The following HLCS variants were observed in gnomAD, a reference collection of about 807,000 sequenced individuals.
HLCS encodes holocarboxylase synthetase.
A neutral mutation model predicts 75.0 loss-of-function variants in HLCS; 53 were observed. That is an observed-to-expected ratio of 0.71 (90% CI 0.57 to 0.89). The LOEUF (loss-of-function observed/expected upper bound fraction) is 0.89, where lower values mean the gene tolerates loss of function less well. HLCS is among the 40% of genes least tolerant of loss of function. The pLI, the probability that HLCS is intolerant of heterozygous loss-of-function variation, is 0.00. For missense variants in HLCS, 966 were observed against 1,074.0 expected, an observed-to-expected ratio of 0.90 and a Z score of 1.41; for synonymous variants, 431 against 428.6, an observed-to-expected ratio of 1.01 and a Z score of -0.07.
chr21:36,751,318 A>C lies in HLCS; in HGVS notation c.*2928T>G, dbSNP rs1017842739. 1 of 152,680 alleles carries C rather than the reference A, an allele frequency of 6.5e-6. No homozygotes were observed. The highest frequency in any genetic ancestry group is 1.5e-5 in the Non-Finnish European group (1 of 68,052). 9.5% of individuals were successfully genotyped at this position (152,680 alleles called of 1,614,324 possible). ...AGGCTTACGCTTTCTTTTATTTCAA[A>C]TATGCATAGTGATTAACCAGGAATA... On this transcript the variant is annotated 3_prime_UTR_variant, in exon 11 of 11. Coordinates refer to ENST00000674895, the MANE Select transcript of HLCS (RefSeq NM_001352514.2).
At chr21:36,772,555 CTTGAGGCAGGGAG>C (rs1178475826) in intron 6 of HLCS, among the ~76,000 whole-genome samples, 1 of 147,934 alleles carries the variant, frequency 6.8e-6, no homozygotes, top group Admixed American at 6.9e-5. Flanking sequence ...GGGAGGATCA[CTTGAGGCAGGGAG>C]TTCAAGGCTG....
chr21:36,854,196 A>G (rs1257582115), intron 6 of HLCS, among the ~76,000 whole-genome samples: 1 of 152,228 alleles, frequency 6.6e-6, no homozygotes, highest in Non-Finnish European at 1.5e-5. Flanking sequence ...CCTACAATTA[A>G]GCTTTTGATG....
chr21:36,961,893 C>T, intron 2 of HLCS, 143 bp downstream of exon 2: 1 of 388,454 alleles, frequency 2.6e-6, no homozygotes, highest in Middle Eastern at 6.3e-4. Flanking sequence ...GGCGGAGGTC[C>T]CAGTGAGCCG....
At chr21:36,983,849 A>T (rs1056250503) in intron 1 of HLCS, among the ~76,000 whole-genome samples, 9 of 148,430 alleles carry the variant, frequency 6.1e-5, no homozygotes, top group African/African-American at 2.2e-4. Flanking sequence ...AAAAAAAAAA[A>T]TTTTTTTTTT....
chr21:36,770,221 A>G (rs2145789737), intron 6 of HLCS, among the ~76,000 whole-genome samples: 1 of 143,740 alleles, frequency 7.0e-6, no homozygotes, highest in Non-Finnish European at 1.5e-5. Flanking sequence ...ATCTCGGGTC[A>G]CTGCAACCTC....
At chr21:36,919,802 G>A (rs1601742492) in intron 5 of HLCS, among the ~76,000 whole-genome samples, 2 of 152,198 alleles carry the variant, frequency 1.3e-5, no homozygotes, top group East Asian at 1.9e-4. Context: ...AATTAACTGT[G>A]AAGATGTATC....
At chr21:36,760,910 G>A (rs2089814799) in intron 8 of HLCS, among the ~76,000 whole-genome samples, 1 of 152,226 alleles carries the variant, frequency 6.6e-6, no homozygotes, top group African/African-American at 2.4e-5. Context: ...AGAACCACCA[G>A]GTCTTTTAGA....
At chr21:36,761,332 C>A (rs1325541988) in intron 8 of HLCS, among the ~76,000 whole-genome samples, 1 of 152,230 alleles carries the variant, frequency 6.6e-6, no homozygotes, top group Non-Finnish European at 1.5e-5. Context: ...TTCCAACAGG[C>A]CTTCTTTTGA....
chr21:36,786,712 G>A (rs1282031353), intron 6 of HLCS, among the ~76,000 whole-genome samples: 1 of 152,218 alleles, frequency 6.6e-6, no homozygotes, highest in Non-Finnish European at 1.5e-5. Context: ...TGAAATGACA[G>A]AGTCAGTGGA....
chr21:36,876,378 T>C (rs1312524586), intron 6 of HLCS, among the ~76,000 whole-genome samples: 2 of 152,184 alleles, frequency 1.3e-5, no homozygotes, highest in Non-Finnish European at 2.9e-5. Context: ...TGTACCAAAT[T>C]CGTACATCAA....
chr21:36,883,824 G>A (rs1005769411), intron 6 of HLCS, among the ~76,000 whole-genome samples: 22 of 152,226 alleles, frequency 1.4e-4, no homozygotes, highest in South Asian at 2.1e-4. Flanking sequence ...GGTCCGACCC[G>A]CAGACCATGG....
At chr21:36,987,104 G>C (rs1282257229) in intron 1 of HLCS, among the ~76,000 whole-genome samples, 1 of 152,154 alleles carries the variant, frequency 6.6e-6, no homozygotes, top group African/African-American at 2.4e-5. Flanking sequence ...CATTCTTTGA[G>C]CACCTCCTTG....
chr21:36,966,689 C>A, upstream of HLCS: 1 of 905,112 alleles, frequency 1.1e-6, no homozygotes, highest in South Asian at 5.0e-5. Flanking sequence ...CCCCAGCGCC[C>A]CAGGCCCGGC....
chr21:36,839,078 G>A (rs1354598133), intron 6 of HLCS, among the ~76,000 whole-genome samples: 1 of 152,154 alleles, frequency 6.6e-6, no homozygotes, highest in Non-Finnish European at 1.5e-5. Context: ...AGTTAACAGG[G>A]ACCAACCTCC....
upstream of HLCS, chr21:36,966,704 C>T: frequency 1.2e-6 from 1 of 847,244 alleles, no homozygotes; most frequent in Non-Finnish European, 1.4e-6. Context: ...CCCGGCCCCG[C>T]CCCGGCCGGA....
intron 6 of HLCS, among the ~76,000 whole-genome samples, chr21:36,774,691 A>C (rs2060305130): frequency 6.6e-6 from 1 of 152,138 alleles, no homozygotes; most frequent in Non-Finnish European, 1.5e-5. Context: ...TTCTACCTAC[A>C]CACACTAAGG....
At chr21:36,960,131 A>ACCCCCC in intron 2 of HLCS, among the ~76,000 whole-genome samples, 1 of 77,786 alleles carries the variant, frequency 1.3e-5, no homozygotes, top group South Asian at 5.1e-4. Context: ...GGAGCCACCC[A>ACCCCCC]CCCCCCCCCC....
chr21:36,858,803 G>A (rs1404464011), intron 6 of HLCS, among the ~76,000 whole-genome samples: 1 of 152,194 alleles, frequency 6.6e-6, no homozygotes, highest in Non-Finnish European at 1.5e-5. Flanking sequence ...CCTTCCAGGT[G>A]AAGAGGAAGC....
At chr21:36,945,311 C>T (rs575786014) in intron 2 of HLCS, among the ~76,000 whole-genome samples, 1 of 151,624 alleles carries the variant, frequency 6.6e-6, no homozygotes, top group South Asian at 2.1e-4. Context: ...CATTTTTCAT[C>T]ATTCAGGAAA....
Sources: allele counts gnomAD v4.1 joint callset (sites outside exome capture counted in the v4.1 genomes callset), GRCh38; gene constraint gnomAD v4.1.1; transcripts MANE v1.5; gene names NCBI Gene and HGNC (gene_info 2026-07-23, HGNC 2026-07-21).